ACTN4: variants seen among roughly 807,000 people sequenced by gnomAD.
ACTN4 encodes the protein alpha-actinin-4.
A neutral mutation model predicts 114.2 loss-of-function variants in ACTN4; 18 were observed. The ratio of observed to expected loss-of-function variants is 0.16; its 90% CI spans 0.11 to 0.23. The LOEUF (loss-of-function observed/expected upper bound fraction) is 0.23, where lower values mean the gene tolerates loss of function less well. ACTN4 is among the 10% of genes least tolerant of loss of function. The pLI is 1.00. For synonymous variants in ACTN4, 515 were observed against 506.3 expected, an observed-to-expected ratio of 1.02 and a Z score of -0.23; for missense variants, 722 against 1,262.9, an observed-to-expected ratio of 0.57 and a Z score of 6.49.
rs1385984387 is a variant in ACTN4, at chr19:38,730,952, C to G, written c.*1520C>G. 3.2e-6 allele frequency: 5 copies of G among 1,550,568 alleles called. No individual in the cohort carries two copies. The highest frequency in any genetic ancestry group is 1.2e-5 in the South Asian group (1 of 84,074). ...CAGAGCCTGAGCCACCCTGTCCCTC[C>G]CACCTGGCTCACCTGTCTGTGGGTC... On this transcript the variant is annotated 3_prime_UTR_variant, in exon 21 of 21. Transcript: ENST00000252699.
At chr19:38,700,102 G>A (rs1968221020) in intron 1 of ACTN4, among the ~76,000 whole-genome samples, 1 of 152,144 alleles carries the variant, frequency 6.6e-6, no homozygotes. Flanking sequence ...GGGGCCTTTG[G>A]GTCTAGCTGG....
At chr19:38,700,826 G>T in intron 2 of ACTN4, 112 bp downstream of exon 2, 3 of 1,371,268 alleles carry the variant, frequency 2.2e-6, no homozygotes, top group East Asian at 2.4e-5. Context: ...GGAGGAGAGG[G>T]CACCCCTTAA....
intron 16 of ACTN4, among the ~76,000 whole-genome samples, chr19:38,725,483 A>G (rs1263077313): frequency 1.3e-5 from 2 of 152,248 alleles, no homozygotes; most frequent in African/African-American, 2.4e-5. Context: ...AGTTGGGCAC[A>G]GGGAGCGCTT....
intron 11 of ACTN4, among the ~76,000 whole-genome samples, chr19:38,718,670 C>T (rs1389121935): frequency 6.6e-6 from 1 of 152,198 alleles, no homozygotes; most frequent in African/African-American, 2.4e-5. Context: ...TCCAGGAACA[C>T]AGCCAAGCCC....
At chr19:38,673,574 T>A (rs796304819) in intron 1 of ACTN4, among the ~76,000 whole-genome samples, 5 of 97,356 alleles carry the variant, frequency 5.1e-5, no homozygotes, top group Non-Finnish European at 8.6e-5. Context: ...TATTTATATA[T>A]ATTCATATAT....
At chr19:38,725,125 A>G (rs777352147) in intron 16 of ACTN4, among the ~76,000 whole-genome samples, 1 of 152,216 alleles carries the variant, frequency 6.6e-6, no homozygotes, top group Non-Finnish European at 1.5e-5. Context: ...AACCAGCCAC[A>G]TGAGTGCTGT....
intron 11 of ACTN4, among the ~76,000 whole-genome samples, chr19:38,719,175 G>T (rs1042744019): frequency 2.0e-5 from 3 of 152,202 alleles, no homozygotes; most frequent in African/African-American, 7.2e-5. Context: ...CAGATCCCAG[G>T]GGTCTGGAAG....
In ACTN4 at chr19:38,688,123, C is replaced by T. The variant is rs548955235; in HGVS notation, c.163-12477C>T. On this transcript the variant is annotated intron_variant, in intron 1 of 20. Transcript: ENST00000252699. The stretch of plus-strand genomic sequence containing the variant: ...TAATTAGGGCAAATCAAAACCATAA[C>T]GTGGTTGGGCCTGGTGGCTCATGTC... Among the ~76,000 whole-genome samples the T allele has an allele frequency of 2.4e-4, 36 of 152,270 alleles. 1 individual carries two copies. Among genetic ancestry groups the T allele is most frequent in the Admixed American group, 2.1e-3 (32 of 15,294 alleles).
rs1968451012 is a variant in ACTN4 at position 38,706,111 on chromosome 19, T to C, written c.552T>C (p.Asn184=). 6.2e-7 allele frequency: 1 copy of C among 1,614,116 alleles called. No individual in the cohort carries two copies. The highest frequency in any genetic ancestry group is 8.5e-7 in the Non-Finnish European group (1 of 1,179,980). ...QRKTAPYKNV[N]VQNFHISWKD... ...AGACAGCCCCGTATAAGAACGTCAA[T>C]GTGCAGAACTTCCACATCAGGTAAG... The change falls in exon 5 of 21, where the codon AAT becomes AAC. Residue 184 remains asparagine, a synonymous_variant. Transcript: ENST00000252699.
chr19:38,680,859 C>T (rs1031091507), intron 1 of ACTN4, among the ~76,000 whole-genome samples: 4 of 152,090 alleles, frequency 2.6e-5, no homozygotes, highest in African/African-American at 9.7e-5. Context: ...GGTGCGGTGG[C>T]TCACACCTGT....
At chr19:38,682,418 A>G (rs1401623155) in intron 1 of ACTN4, among the ~76,000 whole-genome samples, 1 of 152,026 alleles carries the variant, frequency 6.6e-6, no homozygotes, top group East Asian at 1.9e-4. Context: ...TCCTGGCCTC[A>G]AGCAGTCCTC....
At chr19:38,656,829 T>C (rs1318665664) in intron 1 of ACTN4, among the ~76,000 whole-genome samples, 1 of 152,192 alleles carries the variant, frequency 6.6e-6, no homozygotes, top group South Asian at 2.1e-4. Context: ...AGCTTTCTAG[T>C]GGGTTTTTCT....
chr19:38,729,828 G>A lies in ACTN4; in HGVS notation c.*396G>A, dbSNP rs1423595460. ...TCCCCAATCCAGGCCAAAGCCCCAT[G>A]TGCCTTGTCCAGGAACTGCCTGGGC... On this transcript the variant is annotated 3_prime_UTR_variant, in exon 21 of 21. Coordinates refer to ENST00000252699, the MANE Select transcript of ACTN4 (RefSeq NM_004924.6). 1 of 397,368 alleles carries A rather than the reference G, an allele frequency of 2.5e-6. No homozygotes were observed. Among genetic ancestry groups the A allele is most frequent in the Non-Finnish European group, 5.0e-6 (1 of 201,744 alleles). 24.6% of individuals were successfully genotyped at this position (397,368 alleles called of 1,614,324 possible). A position where few individuals can be genotyped will look rare whatever the true frequency, so the allele number is the denominator to read the frequency against.
intron 13 of ACTN4, 100 bp from the exon 14 acceptor site, chr19:38,723,835 TTC>T (rs1969132327): frequency 4.7e-6 from 7 of 1,482,482 alleles, no homozygotes; most frequent in Non-Finnish European, 5.6e-6. Context: ...GGAGAGGATG[TTC>T]TCTGACTCCT....
chr19:38,708,271 A>G (rs1184825042), intron 6 of ACTN4, 76 bp downstream of exon 6: 1 of 1,488,506 alleles, frequency 6.7e-7, no homozygotes, highest in African/African-American at 1.4e-5. Context: ...CACCATCCCC[A>G]TGCCCTTCCA....
intron 1 of ACTN4, among the ~76,000 whole-genome samples, chr19:38,670,410 G>A (rs1047851222): frequency 1.3e-5 from 2 of 152,198 alleles, no homozygotes; most frequent in African/African-American, 4.8e-5. Flanking sequence ...CCCTTGTGAG[G>A]AGAATGGATG....
Position 38,671,762 on chromosome 19 carries a change from G to A in ACTN4, c.162+23855G>A, listed in dbSNP as rs112455335. Among the ~76,000 whole-genome samples, 1,099 of 152,118 alleles carry A rather than the reference G, an allele frequency of 7.2e-3. 26 individuals carry two copies. Among genetic ancestry groups the A allele is most frequent in the East Asian group, 0.055 (284 of 5,188 alleles). ...AGCCCCACAGTCCTTATCAAACTTC[G>A]CATTTGGAGCAGGCAGTCTGTCTGG... is the stretch of plus-strand genomic sequence containing the variant. On this transcript the variant is annotated intron_variant, in intron 1 of 20. Transcript: ENST00000252699.
chr19:38,680,217 T>G (rs1487745111), intron 1 of ACTN4, among the ~76,000 whole-genome samples: 44 of 23,242 alleles, frequency 1.9e-3, no homozygotes, highest in African/African-American at 3.3e-3. Context: ...AGGAAGTTTT[T>G]TTTTTTTTTT....
chr19:38,728,558 G>A (rs1034844161), intron 19 of ACTN4, among the ~76,000 whole-genome samples: 5 of 151,888 alleles, frequency 3.3e-5, no homozygotes, highest in African/African-American at 1.2e-4. Flanking sequence ...CATCTGCCGG[G>A]GTGGGGTCCC....
Sources: allele counts gnomAD v4.1 joint callset (sites outside exome capture counted in the v4.1 genomes callset), GRCh38; gene constraint gnomAD v4.1.1; transcripts MANE v1.5; gene names NCBI Gene and HGNC (gene_info 2026-07-23, HGNC 2026-07-21).